Variants in CMSS1 observed in about 807,000 individuals in gnomAD.
The protein encoded by CMSS1 is cms1 ribosomal small subunit homolog, also known as protein CMSS1.
In CMSS1, 33 loss-of-function variants were observed where a neutral mutation model predicts 43.5. The ratio of observed to expected loss-of-function variants is 0.76; its 90% CI spans 0.57 to 1.01. The LOEUF (loss-of-function observed/expected upper bound fraction) is 1.01, where lower values mean the gene tolerates loss of function less well. Among genes scored for constraint, CMSS1 ranks in the 50% least tolerant of loss-of-function variants. CMSS1 has a pLI of 0.00. For missense variants in CMSS1, 313 were observed against 326.4 expected (o/e 0.96, Z 0.32); for synonymous variants, 115 against 117.2 (o/e 0.98, Z 0.12).
intron 1 of CMSS1, among the ~76,000 whole-genome samples, chr3:100,067,376 C>G (rs1174352678): frequency 6.6e-6 from 1 of 152,158 alleles, no homozygotes; most frequent in Non-Finnish European, 1.5e-5. Context: ...GGTAACTAAG[C>G]ACCCTGGTGA....
chr3:99,818,046 AC>A lies in CMSS1; in HGVS notation c.64+6del. On this transcript the variant is annotated splice_donor_region_variant and intron_variant, in intron 1 of 9. Transcript: ENST00000421999. ...GACTGGAGCAGGCAGCAGCCCAGGTACCCACTCTGTGCCCGCGCTCCTACGG... is the reference window on the plus strand; with the variant it reads ...GACTGGAGCAGGCAGCAGCCCAGGTACCACTCTGTGCCCGCGCTCCTACGG... 6.2e-7 allele frequency: 1 copy of A among 1,613,356 alleles called. No homozygotes were observed. Among genetic ancestry groups the A allele is most frequent in the Non-Finnish European group, 8.5e-7 (1 of 1,179,824 alleles).
intron 1 of CMSS1, among the ~76,000 whole-genome samples, chr3:99,951,236 A>G (rs1451770542): frequency 6.6e-6 from 1 of 152,180 alleles, no homozygotes; most frequent in African/African-American, 2.4e-5. Context: ...CCCTGACTTC[A>G]TAACCACATT....
At chr3:99,851,397 C>T (rs1576512454) in intron 1 of CMSS1, among the ~76,000 whole-genome samples, 1 of 152,192 alleles carries the variant, frequency 6.6e-6, no homozygotes, top group Non-Finnish European at 1.5e-5. Context: ...AAAATAGCCA[C>T]AAGCTTGAGA....
chr3:100,046,325 G>C (rs912235173), intron 1 of CMSS1, among the ~76,000 whole-genome samples: 1 of 152,122 alleles, frequency 6.6e-6, no homozygotes, highest in South Asian at 2.1e-4. Context: ...TCTTAAAAAG[G>C]GAAATTCAGA....
At chr3:99,836,628 C>G (rs774361802) in intron 1 of CMSS1, among the ~76,000 whole-genome samples, 7 of 152,128 alleles carry the variant, frequency 4.6e-5, no homozygotes, top group Non-Finnish European at 8.8e-5. Flanking sequence ...TTTGTGGGAC[C>G]CTACCATGTG....
intron 1 of CMSS1, among the ~76,000 whole-genome samples, chr3:100,116,879 C>G (rs1356905503): frequency 6.6e-6 from 1 of 151,924 alleles, no homozygotes; most frequent in Non-Finnish European, 1.5e-5. Flanking sequence ...CCTGATTTCT[C>G]AAGGAAAAGG....
intron 1 of CMSS1, among the ~76,000 whole-genome samples, chr3:100,093,569 C>G (rs1041600016): frequency 6.6e-6 from 1 of 152,084 alleles, no homozygotes; most frequent in Non-Finnish European, 1.5e-5. Flanking sequence ...AACCAGTTTC[C>G]TCCAATGGTA....
intron 1 of CMSS1, among the ~76,000 whole-genome samples, chr3:100,022,423 A>T (rs567678695): frequency 5.9e-5 from 9 of 152,314 alleles, no homozygotes; most frequent in East Asian, 5.8e-4. Flanking sequence ...TACAGTATTC[A>T]TTCCATTTCT....
intron 1 of CMSS1, among the ~76,000 whole-genome samples, chr3:99,986,280 A>G (rs962669751): frequency 1.1e-4 from 17 of 152,220 alleles, no homozygotes; most frequent in Non-Finnish European, 2.2e-4. Context: ...TCCCAGGAAC[A>G]GGTGTTTTTT....
intron 1 of CMSS1, among the ~76,000 whole-genome samples, chr3:99,926,941 C>G (rs1034926546): frequency 3.2e-4 from 49 of 152,312 alleles, no homozygotes; most frequent in African/African-American, 1.2e-3. Context: ...TGCAGTCTGT[C>G]CTCATCACTG....
chr3:99,848,662 A>C (rs371989728), intron 1 of CMSS1: 23 of 1,613,970 alleles, frequency 1.4e-5, no homozygotes, highest in Non-Finnish European at 1.9e-5. Flanking sequence ...AGTCACAGCC[A>C]AAACCTGAAT....
intron 1 of CMSS1, among the ~76,000 whole-genome samples, chr3:99,971,073 CA>C (rs1469304566): frequency 2.0e-5 from 3 of 152,152 alleles, no homozygotes; most frequent in Non-Finnish European, 4.4e-5. Context: ...CGTGGTGGCT[CA>C]CGCCTGTAAT....
intron 1 of CMSS1, among the ~76,000 whole-genome samples, chr3:100,059,200 A>G (rs2065516899): frequency 6.6e-6 from 1 of 152,242 alleles, no homozygotes; most frequent in Admixed American, 6.5e-5. Flanking sequence ...TAGATACTCT[A>G]GGTTGTTTCT....
intron 8 of CMSS1, among the ~76,000 whole-genome samples, chr3:100,173,157 C>T (rs1487376342): frequency 6.6e-6 from 1 of 152,082 alleles, no homozygotes; most frequent in African/African-American, 2.4e-5. Flanking sequence ...CAGGGAGCAA[C>T]AAAAGCTAAA....
chr3:100,077,770 C>T (rs2065872580), intron 1 of CMSS1, among the ~76,000 whole-genome samples: 2 of 152,048 alleles, frequency 1.3e-5, no homozygotes, highest in South Asian at 2.1e-4. Flanking sequence ...ATTAGCCAAG[C>T]ATGGCTGTGC....
chr3:100,114,568 A>G (rs569981963), intron 1 of CMSS1: 4 of 184,490 alleles, frequency 2.2e-5, no homozygotes, highest in Admixed American at 5.9e-5. Context: ...AGATTAGAAG[A>G]CACCACTCTT....
At chr3:100,057,355 A>T (rs1479250704) in intron 1 of CMSS1, among the ~76,000 whole-genome samples, 2 of 152,222 alleles carry the variant, frequency 1.3e-5, no homozygotes, top group Non-Finnish European at 2.9e-5. Context: ...GGCCTTAGGC[A>T]TGTCAGTTTC....
At chr3:99,917,514 A>T (rs1559687194) in intron 1 of CMSS1, among the ~76,000 whole-genome samples, 1 of 152,024 alleles carries the variant, frequency 6.6e-6, no homozygotes, top group Non-Finnish European at 1.5e-5. Flanking sequence ...ACTTTTTTTT[A>T]TCTTGGGCTT....
intron 1 of CMSS1, among the ~76,000 whole-genome samples, chr3:100,092,274 G>C (rs2066123749): frequency 6.6e-6 from 1 of 152,100 alleles, no homozygotes; most frequent in African/African-American, 2.4e-5. Flanking sequence ...TGACATGCTG[G>C]CTAAAGATGT....
Sources: gnomAD v4.1 joint callset for allele counts (sites outside exome capture counted in the v4.1 genomes callset) on GRCh38, gnomAD v4.1.1 for gene constraint, MANE v1.5 for transcripts, NCBI Gene and HGNC (gene_info 2026-07-23, HGNC 2026-07-21) for gene names.